The following LRP2 variants were observed in gnomAD, a reference collection of about 807,000 sequenced individuals.
LRP2 encodes LDL receptor related protein 2.
A neutral mutation model predicts 531.0 loss-of-function variants in LRP2; 172 were observed. The observed-to-expected ratio is 0.32, with a 90% confidence interval of 0.29 to 0.37. The LOEUF (loss-of-function observed/expected upper bound fraction) is 0.37, where lower values mean the gene tolerates loss of function less well. Among genes scored for constraint, LRP2 ranks in the 10% least tolerant of loss-of-function variants. The pLI is 1.00. For missense variants in LRP2, 5,167 were observed against 5,868.3 expected (o/e 0.88, Z 3.90); for synonymous variants, 1,992 against 2,027.6 (o/e 0.98, Z 0.47).
At chr2:169,219,441 G>A (rs980212501) in intron 34 of LRP2, among the ~76,000 whole-genome samples, 5 of 152,248 alleles carry the variant, frequency 3.3e-5, no homozygotes, top group Admixed American at 6.5e-5. Context: ...CAAACAGACC[G>A]GAGGACTCCA....
intron 31 of LRP2, among the ~76,000 whole-genome samples, chr2:169,230,849 G>A (rs1689371725): frequency 6.6e-6 from 1 of 152,152 alleles, no homozygotes; most frequent in Non-Finnish European, 1.5e-5. Context: ...TCTAGGATGA[G>A]ATAAATATTA....
At chr2:169,328,465 G>GA (rs1381047332) in intron 1 of LRP2, among the ~76,000 whole-genome samples, 290 of 111,334 alleles carry the variant, frequency 2.6e-3, no homozygotes, top group African/African-American at 9.2e-3. Flanking sequence ...AAAAAAAAAA[G>GA]AAAAAAAAAG....
intron 3 of LRP2, among the ~76,000 whole-genome samples, chr2:169,316,325 T>C (rs1380045476): frequency 6.6e-6 from 1 of 152,152 alleles, no homozygotes; most frequent in Non-Finnish European, 1.5e-5. Flanking sequence ...TAGGGGATTG[T>C]GATAGCCTTT....
chr2:169,205,641 G>A lies in LRP2; in HGVS notation c.7557-4C>T, dbSNP rs776565666. On this transcript the variant is annotated splice_region_variant and splice_polypyrimidine_tract_variant and intron_variant, in intron 40 of 78. Transcript: ENST00000649046. ...CCAGTCAGCCCAGTACAGGTACCTAGTCATACAAAAGGAGTCAATAATTAA... is the reference window on the plus strand; with the variant it reads ...CCAGTCAGCCCAGTACAGGTACCTAATCATACAAAAGGAGTCAATAATTAA... 5.0e-6 allele frequency: 8 copies of A among 1,612,212 alleles called. No homozygotes were observed. The highest frequency in any genetic ancestry group is 2.2e-5 in the East Asian group (1 of 44,828).
intron 48 of LRP2, among the ~76,000 whole-genome samples, chr2:169,189,566 A>G (rs1687758607): frequency 6.6e-6 from 1 of 152,176 alleles, no homozygotes; most frequent in African/African-American, 2.4e-5. Context: ...CTCATCACCA[A>G]ATTGTCACCC....
chr2:169,240,669 T>C (rs759219401), intron 25 of LRP2: 4 of 515,976 alleles, frequency 7.8e-6, no homozygotes, highest in Non-Finnish European at 1.4e-5. Flanking sequence ...ATATTAAAGT[T>C]AGAAAAATTA....
At chr2:169,327,154 C>G (rs1441466384) in intron 1 of LRP2, among the ~76,000 whole-genome samples, 16 of 139,286 alleles carry the variant, frequency 1.1e-4, no homozygotes, top group Admixed American at 2.9e-4. Flanking sequence ...GCCCCCCGCC[C>G]GGCCAGCCGC....
At position 169,225,179 on chromosome 2, in the gene LRP2, C is replaced by T. The variant is rs1224244344; in HGVS notation, c.5538+131G>A. 6 of 880,410 alleles carry T rather than the reference C, an allele frequency of 6.8e-6. No individual in the cohort carries two copies. In the African/African-American group the frequency reaches 8.4e-5, roughly 12 times the overall value. The allele number at this position is 880,410 out of a possible 1,614,324, so 54.5% of individuals were successfully genotyped here. ...TCACTTCAGAGACTTTGATAGTTAA[C>T]ACTAATATCTTTTCCCTTTTTCTTT... On this transcript the variant is annotated intron_variant, in intron 33 of 78. Coordinates refer to ENST00000649046, the MANE Select transcript of LRP2 (RefSeq NM_004525.3).
intron 4 of LRP2, among the ~76,000 whole-genome samples, chr2:169,299,590 A>G (rs1037300875): frequency 6.6e-6 from 1 of 152,128 alleles, no homozygotes; most frequent in Non-Finnish European, 1.5e-5. Flanking sequence ...CCGAGCAACA[A>G]GATGGAAAAA....
intron 14 of LRP2, among the ~76,000 whole-genome samples, chr2:169,273,647 T>G (rs995532116): frequency 6.6e-6 from 1 of 152,178 alleles, no homozygotes; most frequent in Non-Finnish European, 1.5e-5. Context: ...CAGTTTATAC[T>G]TCCAAAAGCC....
rs937027850 is a variant in LRP2, at chr2:169,239,859, C to A, written c.4046-84G>T. On this transcript the variant is annotated intron_variant, in intron 25 of 78. Transcript: ENST00000649046. The stretch of plus-strand genomic sequence containing the variant: ...TCACTCTTATGCAATATTTATTATG[C>A]AGTCTCATGCCACCTTCAATATGAT... 1.0e-5 allele frequency: 12 copies of A among 1,184,226 alleles called. No individual in the cohort carries two copies. In the African/African-American group the frequency reaches 1.5e-4, roughly 15 times the overall value. 73.4% of individuals were successfully genotyped at this position (1,184,226 alleles called of 1,614,324 possible). A position where few individuals can be genotyped will look rare whatever the true frequency, so the allele number is the denominator to read the frequency against.
chr2:169,270,358 A>C (rs1405688821), intron 16 of LRP2, among the ~76,000 whole-genome samples: 2 of 152,180 alleles, frequency 1.3e-5, no homozygotes, highest in Admixed American at 6.5e-5. Context: ...AACCAACCCA[A>C]ATGTTCATCA....
intron 69 of LRP2, among the ~76,000 whole-genome samples, chr2:169,146,522 A>G (rs1369148950): frequency 6.6e-6 from 1 of 152,008 alleles, no homozygotes; most frequent in African/African-American, 2.4e-5. Flanking sequence ...TTTTTTTTTA[A>G]AGTTGTGTAA....
chr2:169,279,895 T>C (rs1475072771), intron 11 of LRP2, among the ~76,000 whole-genome samples: 1 of 152,140 alleles, frequency 6.6e-6, no homozygotes, highest in Non-Finnish European at 1.5e-5. Flanking sequence ...AATAAGACAG[T>C]GAAACAAAAT....
chr2:169,202,966 A>G lies in LRP2; in HGVS notation c.8006-7T>C. 6.2e-7 allele frequency: 1 copy of G among 1,613,514 alleles called. No individual in the cohort carries two copies. The highest frequency in any genetic ancestry group is 1.1e-5 in the South Asian group (1 of 91,070). On this transcript the variant is annotated splice_polypyrimidine_tract_variant and splice_region_variant and intron_variant, in intron 42 of 78. Coordinates refer to ENST00000649046, the MANE Select transcript of LRP2 (RefSeq NM_004525.3). ...CACTCGGCACCATTTGGACCTGAAG[A>G]AAGATAATCCCAGAAGAAGTAAAAG...
At chr2:169,183,722 T>C (rs1000643209) in intron 50 of LRP2, among the ~76,000 whole-genome samples, 1 of 152,208 alleles carries the variant, frequency 6.6e-6, no homozygotes, top group African/African-American at 2.4e-5. Flanking sequence ...CTGGAAAAAT[T>C]AAGATAACTG....
chr2:169,201,792 T>C lies in LRP2; in HGVS notation c.8288A>G (p.Tyr2763Cys). 6.2e-7 allele frequency: 1 copy of C among 1,614,232 alleles called. No homozygotes were observed. The highest frequency in any genetic ancestry group is 8.5e-7 in the Non-Finnish European group (1 of 1,180,040). Residue 2763 changes from tyrosine to cysteine, a missense_variant, in exon 44 of 79, where the codon TAC (tyrosine) becomes TGC (cysteine). Tyr to Cys is a radical substitution (Grantham distance 194). Coordinates refer to ENST00000649046, the MANE Select transcript of LRP2 (RefSeq NM_004525.3). ...CVQYSYRCDY[Y>C]NDCGDGSDEA... ...ATCACTGCCATCACCACAGTCATTG[T>C]AGTAATCACAGCGGTAAGAGTATTG...
chr2:169,242,403 C>T (rs1164872949), intron 24 of LRP2, among the ~76,000 whole-genome samples: 1 of 152,200 alleles, frequency 6.6e-6, no homozygotes, highest in Non-Finnish European at 1.5e-5. Context: ...TCTGAACCTC[C>T]ATAGAATTTT....
chr2:169,345,885 A>AAACAG (rs1685685636), intron 1 of LRP2, among the ~76,000 whole-genome samples: 1 of 152,174 alleles, frequency 6.6e-6, no homozygotes, highest in South Asian at 2.1e-4. Context: ...AAACAAAACA[A>AAACAG]AAGTCAATTG....
Sources: gnomAD v4.1 joint callset for allele counts (sites outside exome capture counted in the v4.1 genomes callset) on GRCh38, gnomAD v4.1.1 for gene constraint, MANE v1.5 for transcripts, NCBI Gene and HGNC (gene_info 2026-07-23, HGNC 2026-07-21) for gene names.